The following CHODL variants were observed in gnomAD, a reference collection of about 807,000 sequenced individuals.
CHODL encodes the protein chondrolectin, also known as transmembrane protein MT75.
Under a neutral mutation model 34.5 loss-of-function variants are expected in CHODL, and 29 were observed. The observed-to-expected ratio is 0.84, with a 90% CI of 0.63 to 1.15. The LOEUF is 1.15. CHODL is among the 50% of genes most tolerant of loss of function. The pLI, the probability that CHODL is intolerant of heterozygous loss-of-function variation, is 0.00. For missense variants in CHODL, 332 were observed against 332.5 expected, an observed-to-expected ratio of 1.00 and a Z score of 0.01; for synonymous variants, 125 against 116.1, an observed-to-expected ratio of 1.08 and a Z score of -0.49.
intron 2 of CHODL, among the ~76,000 whole-genome samples, chr21:18,210,993 C>G (rs1448882713): frequency 6.6e-6 from 1 of 152,162 alleles, no homozygotes; most frequent in Non-Finnish European, 1.5e-5. Context: ...TTTGTTCCAG[C>G]TACACATTAC....
At chr21:18,225,840 T>C (rs1254403969) in intron 2 of CHODL, among the ~76,000 whole-genome samples, 1 of 152,082 alleles carries the variant, frequency 6.6e-6, no homozygotes, top group Non-Finnish European at 1.5e-5. Flanking sequence ...TTCCCAGTTA[T>C]TGAAAAATAT....
At chr21:18,193,738 A>C (rs1016616167) in intron 2 of CHODL, among the ~76,000 whole-genome samples, 5 of 150,652 alleles carry the variant, frequency 3.3e-5, no homozygotes, top group African/African-American at 1.2e-4. Context: ...TAAATAAATA[A>C]ATAAATAAAA....
chr21:17,964,007 A>G (rs1216279996), intron 1 of CHODL, among the ~76,000 whole-genome samples: 2 of 152,198 alleles, frequency 1.3e-5, no homozygotes, highest in African/African-American at 2.4e-5. Flanking sequence ...TTATGGGAAA[A>G]TGTATTCAGA....
At chr21:18,113,213 G>A (rs2065372412) in intron 2 of CHODL, among the ~76,000 whole-genome samples, 1 of 152,076 alleles carries the variant, frequency 6.6e-6, no homozygotes. Flanking sequence ...TAAAACTACA[G>A]TGAGATATCA....
At chr21:18,081,705 G>C (rs1301704700) in intron 2 of CHODL, among the ~76,000 whole-genome samples, 1 of 80,534 alleles carries the variant, frequency 1.2e-5, no homozygotes, top group Non-Finnish European at 4.0e-5. Flanking sequence ...AAAAAAAGAG[G>C]GTGAAAGTGG....
chr21:17,972,216 C>G (rs2063620868), intron 1 of CHODL, among the ~76,000 whole-genome samples: 1 of 152,172 alleles, frequency 6.6e-6, no homozygotes, highest in South Asian at 2.1e-4. Flanking sequence ...GAAGCATTCC[C>G]TTTGAAAACT....
At chr21:17,979,512 T>G (rs2063697221) in intron 1 of CHODL, among the ~76,000 whole-genome samples, 1 of 152,184 alleles carries the variant, frequency 6.6e-6, no homozygotes, top group African/African-American at 2.4e-5. Flanking sequence ...ATTTTTTGCT[T>G]GTTCATTTGG....
Position 18,245,273 on chromosome 21 carries a change from A to G in CHODL, c.50A>G (p.His17Arg). 2 of 1,519,526 alleles carry G rather than the reference A, an allele frequency of 1.3e-6. No individual in the cohort carries two copies. The highest frequency in any genetic ancestry group is 1.8e-6 in the Non-Finnish European group (2 of 1,139,442). 94.1% of individuals were successfully genotyped at this position (1,519,526 alleles called of 1,614,324 possible). Residue 17 changes from histidine to arginine, a missense_variant, in exon 1 of 6, where the codon CAC becomes CGC. His to Arg is a conservative substitution (Grantham distance 29). Coordinates refer to ENST00000299295, the MANE Select transcript of CHODL (RefSeq NM_024944.3). ...CTGGGCGCCGCGCTGCTCTGCGGCC[A>G]CGGAGCCTTCTGCCGCCGCGTGGTC... ...LLLGAALLCG[H>R]GAFCRRVVSG... is the part of the protein sequence containing the mutation.
At position 17,957,068 on chromosome 21, in the gene CHODL, T is replaced by C. The variant is rs143235266; in HGVS notation, c.-145+39668T>C. The stretch of plus-strand genomic sequence containing the variant: ...AAGGCCTCATCCCAAATATATCACA[T>C]TGGGGATTAGGTTTCAACATATGAA... On this transcript the variant is annotated intron_variant, in intron 1 of 6. Transcript: ENST00000400127. Among the ~76,000 whole-genome samples, 989 of 152,194 alleles carry C rather than the reference T, an allele frequency of 6.5e-3. 14 individuals are homozygous for C. Among genetic ancestry groups the C allele is most frequent in the South Asian group, 0.046 (220 of 4,820 alleles).
At chr21:18,096,620 A>C (rs144343712) in intron 2 of CHODL, among the ~76,000 whole-genome samples, 1 of 152,114 alleles carries the variant, frequency 6.6e-6, no homozygotes, top group African/African-American at 2.4e-5. Context: ...CAGACTGGTG[A>C]ATTCTAGTCA....
chr21:17,920,877 A>C (rs1483509144), intron 1 of CHODL, among the ~76,000 whole-genome samples: 3 of 152,232 alleles, frequency 2.0e-5, no homozygotes, highest in African/African-American at 7.2e-5. Context: ...GACAATAAAA[A>C]GATGGATTTA....
chr21:18,136,238 G>A (rs2072726628), intron 2 of CHODL, among the ~76,000 whole-genome samples: 1 of 151,752 alleles, frequency 6.6e-6, no homozygotes, highest in Non-Finnish European at 1.5e-5. Context: ...CCATCATCAA[G>A]GAAAAAGAGG....
chr21:18,084,292 AT>A (rs71318123), intron 2 of CHODL, among the ~76,000 whole-genome samples: 2 of 151,750 alleles, frequency 1.3e-5, no homozygotes. Context: ...GTTATTTGTT[AT>A]TTTTTTCCCT....
At chr21:18,172,558 C>G (rs1016949815) in intron 2 of CHODL, among the ~76,000 whole-genome samples, 2 of 143,834 alleles carry the variant, frequency 1.4e-5, no homozygotes, top group African/African-American at 5.3e-5. Context: ...GCTTTCCTTA[C>G]CCAGATTCAG....
chr21:17,968,975 G>T (rs1445040833), intron 1 of CHODL, among the ~76,000 whole-genome samples: 5 of 152,150 alleles, frequency 3.3e-5, no homozygotes, highest in Non-Finnish European at 7.4e-5. Flanking sequence ...TAACTTTTAA[G>T]AAAATGATAT....
At chr21:18,099,634 A>G (rs896964525) in intron 2 of CHODL, among the ~76,000 whole-genome samples, 1 of 152,068 alleles carries the variant, frequency 6.6e-6, no homozygotes, top group Non-Finnish European at 1.5e-5. Flanking sequence ...CATAATGCTG[A>G]ATGCTGGAAG....
intron 2 of CHODL, among the ~76,000 whole-genome samples, chr21:18,195,712 T>A (rs1025778697): frequency 2.0e-5 from 3 of 152,220 alleles, no homozygotes; most frequent in Admixed American, 1.3e-4. Context: ...TATAATTTAT[T>A]TACTTGTTTT....
chr21:18,195,186 C>G (rs1344725150), intron 2 of CHODL, among the ~76,000 whole-genome samples: 2 of 152,042 alleles, frequency 1.3e-5, no homozygotes, highest in Non-Finnish European at 2.9e-5. Context: ...TCCTGAGTAG[C>G]TGGGACTACA....
chr21:18,198,393 T>C (rs1006842586), intron 2 of CHODL, among the ~76,000 whole-genome samples: 3 of 152,156 alleles, frequency 2.0e-5, no homozygotes, highest in Admixed American at 1.3e-4. Flanking sequence ...TGGTAACATA[T>C]AATTTATAAA....
Sources: allele counts gnomAD v4.1 joint callset (sites outside exome capture counted in the v4.1 genomes callset), GRCh38; gene constraint gnomAD v4.1.1; transcripts MANE v1.5; gene names NCBI Gene and HGNC (gene_info 2026-07-23, HGNC 2026-07-21).